RPH3A: variants seen among roughly 807,000 people sequenced by gnomAD.
The protein encoded by RPH3A is rabphilin-3A.
In RPH3A, 48 loss-of-function variants were observed where a neutral mutation model predicts 102.2. The ratio of observed to expected loss-of-function variants is 0.47; its 90% CI spans 0.37 to 0.60. The LOEUF is 0.60. Ranked by LOEUF, RPH3A falls within the 20% of genes least tolerant of loss-of-function variation. The pLI is 0.00. For missense variants in RPH3A, 781 were observed against 910.1 expected, an observed-to-expected ratio of 0.86 and a Z score of 1.83; for synonymous variants, 310 against 324.3, an observed-to-expected ratio of 0.96 and a Z score of 0.47.
chr12:112,791,196 G>T (rs2041095992), upstream of RPH3A: 1 of 152,154 alleles, frequency 6.6e-6, no homozygotes, highest in Non-Finnish European at 1.5e-5. Context: ...TCAAAAATCT[G>T]CAGCAATGGG....
chr12:112,775,593 A>C (rs1193578281), intron 1 of RPH3A, among the ~76,000 whole-genome samples: 1 of 152,216 alleles, frequency 6.6e-6, no homozygotes, highest in African/African-American at 2.4e-5. Flanking sequence ...AAGAATAGGA[A>C]AAGAATATAA....
chr12:112,764,129 C>T (rs1341726168), intron 1 of RPH3A, among the ~76,000 whole-genome samples: 1 of 152,110 alleles, frequency 6.6e-6, no homozygotes, highest in Admixed American at 6.5e-5. Context: ...GGAAGGTTTG[C>T]TAAAAATCAC....
chr12:112,855,659 A>G (rs958643074), intron 5 of RPH3A, among the ~76,000 whole-genome samples: 4 of 152,204 alleles, frequency 2.6e-5, no homozygotes, highest in African/African-American at 9.7e-5. Flanking sequence ...CTGATGGAGC[A>G]GCTCAGTCAT....
In RPH3A at chr12:112,682,247, C is replaced by T. The variant is rs138416230; in HGVS notation, c.-140+106928C>T. Among the ~76,000 whole-genome samples the T allele has an allele frequency of 1.1e-3, 167 of 152,022 alleles. 1 individual carries two copies. Among genetic ancestry groups the T allele is most frequent in the African/African-American group, 3.8e-3 (158 of 41,466 alleles). Reference sequence around the variant, plus strand: ...CTGTGACATGGAGAACCAGGGAAGCCGGGTTGAAGACTGAAGAGCTGAGAA... The same window carrying T: ...CTGTGACATGGAGAACCAGGGAAGCTGGGTTGAAGACTGAAGAGCTGAGAA... On this transcript the variant is annotated intron_variant, in intron 1 of 21. Coordinates refer to the RPH3A transcript ENST00000543106.
At chr12:112,606,281 C>T (rs910531590) in intron 1 of RPH3A, among the ~76,000 whole-genome samples, 7 of 152,200 alleles carry the variant, frequency 4.6e-5, no homozygotes, top group Admixed American at 6.5e-5. Context: ...ACTATTTACT[C>T]GCTGTGGGTT....
rs553458717 is a variant in RPH3A, at chr12:112,864,041, T to C, written c.231-1373T>C. Among the ~76,000 whole-genome samples, 17 of 152,336 alleles carry C rather than the reference T, an allele frequency of 1.1e-4. 1 individual carries two copies. Among genetic ancestry groups the C allele is most frequent in the Non-Finnish European group, 1.2e-4 (8 of 68,028 alleles). On this transcript the variant is annotated intron_variant, in intron 5 of 21. Transcript: ENST00000389385. Reference sequence around the variant, plus strand: ...GTTTCACAATCAGCTAATTATTTAATGCAGATAATCCCTATAGTTAATTCC... The same window carrying C: ...GTTTCACAATCAGCTAATTATTTAACGCAGATAATCCCTATAGTTAATTCC...
chr12:112,868,098 T>G, intron 7 of RPH3A: 1 of 232,974 alleles, frequency 4.3e-6, no homozygotes, highest in Non-Finnish European at 8.4e-6. Context: ...GCATGCCACA[T>G]TTAAGAGATG....
Position 112,823,881 on chromosome 12 carries a change from G to A in RPH3A, c.-18-4420G>A, listed in dbSNP as rs530783359. On this transcript the variant is annotated intron_variant, in intron 2 of 21. Transcript: ENST00000389385. ...GGCTTTCATGAAGTATCATCTGCAGGCCAGTAGGAAAACATCTTAGGAGAA... is the reference window on the plus strand; with the variant it reads ...GGCTTTCATGAAGTATCATCTGCAGACCAGTAGGAAAACATCTTAGGAGAA... 3.3e-5 allele frequency among the ~76,000 whole-genome samples: 5 copies of A among 152,290 alleles called. No homozygotes were observed. The South Asian group carries it at 1.0e-3, about 32-fold the overall frequency.
intron 10 of RPH3A, among the ~76,000 whole-genome samples, chr12:112,871,805 T>C (rs1349209394): frequency 6.7e-6 from 1 of 149,472 alleles, no homozygotes; most frequent in Non-Finnish European, 1.5e-5. Context: ...GTATACGTTA[T>C]ATATTATATA....
At chr12:112,612,221 C>G (rs559348481) in intron 1 of RPH3A, among the ~76,000 whole-genome samples, 74 of 152,150 alleles carry the variant, frequency 4.9e-4, no homozygotes, top group African/African-American at 1.7e-3. Context: ...TTAATTAGAG[C>G]CTTTACTGCA....
chr12:112,652,381 G>A (rs1056424611), intron 1 of RPH3A, among the ~76,000 whole-genome samples: 7 of 152,302 alleles, frequency 4.6e-5, no homozygotes, highest in African/African-American at 1.7e-4. Flanking sequence ...GGAGGCTGAG[G>A]TGGGAGGATT....
intron 1 of RPH3A, among the ~76,000 whole-genome samples, chr12:112,681,748 C>G (rs2040227657): frequency 6.6e-6 from 1 of 152,188 alleles, no homozygotes; most frequent in Non-Finnish European, 1.5e-5. Context: ...ATGAAATCCT[C>G]TGACATTCCA....
At chr12:112,818,307 TAAAAAAAA>T (rs745954372) in intron 2 of RPH3A, among the ~76,000 whole-genome samples, 1 of 43,832 alleles carries the variant, frequency 2.3e-5, no homozygotes, top group Non-Finnish European at 4.8e-5. Context: ...TCAAGAAGAA[TAAAAAAAA>T]AAAAAAAAAA....
chr12:112,881,921 G>A, intron 15 of RPH3A, 75 bp downstream of exon 15: 3 of 1,155,194 alleles, frequency 2.6e-6, no homozygotes, highest in Non-Finnish European at 2.5e-6. Context: ...TCAGCTCAGA[G>A]CCCAAAATAG....
At chr12:112,868,292 T>C in intron 7 of RPH3A, 138 bp from the exon 8 acceptor site, 1 of 824,008 alleles carries the variant, frequency 1.2e-6, no homozygotes, top group South Asian at 1.8e-5. Context: ...TGCAGGGCTC[T>C]GTAGTAATAA....
intron 1 of RPH3A, among the ~76,000 whole-genome samples, chr12:112,685,540 A>AT (rs2040257168): frequency 6.6e-6 from 1 of 152,114 alleles, no homozygotes; most frequent in African/African-American, 2.4e-5. Flanking sequence ...TTTTCTGCAC[A>AT]TGTTATTATT....
At chr12:112,654,517 T>C (rs1440354184) in intron 1 of RPH3A, among the ~76,000 whole-genome samples, 3 of 152,174 alleles carry the variant, frequency 2.0e-5, no homozygotes, top group African/African-American at 7.2e-5. Context: ...GGGTTAAAGT[T>C]GTTTGCCGTC....
chr12:112,691,455 A>C (rs1234459938), intron 1 of RPH3A, among the ~76,000 whole-genome samples: 1 of 152,194 alleles, frequency 6.6e-6, no homozygotes, highest in African/African-American at 2.4e-5. Flanking sequence ...TGGTGCAATA[A>C]CTTGCTTTTA....
chr12:112,582,903 C>A (rs189795268), intron 1 of RPH3A, among the ~76,000 whole-genome samples: 19 of 152,158 alleles, frequency 1.2e-4, no homozygotes, highest in Non-Finnish European at 2.5e-4. Context: ...ATGAATATTT[C>A]TCCATCTTTT....
Sources: gnomAD v4.1 joint callset for allele counts (sites outside exome capture counted in the v4.1 genomes callset) on GRCh38, gnomAD v4.1.1 for gene constraint, MANE v1.5 for transcripts, NCBI Gene and HGNC (gene_info 2026-07-23, HGNC 2026-07-21) for gene names.